Variants in TMEM117 observed in about 807,000 individuals in gnomAD.
TMEM117 encodes transmembrane protein 117.
A neutral mutation model predicts 52.4 loss-of-function variants in TMEM117; 27 were observed. The ratio of observed to expected loss-of-function variants is 0.51; its 90% confidence interval spans 0.38 to 0.71. The LOEUF (loss-of-function observed/expected upper bound fraction) is 0.71, where lower values mean the gene tolerates loss of function less well. TMEM117 is among the 30% of genes least tolerant of loss of function. The pLI, the probability that TMEM117 is intolerant of heterozygous loss-of-function variation, is 0.00. For synonymous variants in TMEM117, 215 were observed against 206.3 expected (o/e 1.04, Z -0.36); for missense variants, 556 against 630.5 (o/e 0.88, Z 1.26).
chr12:44,224,378 C>A (rs1949831506), intron 5 of TMEM117, among the ~76,000 whole-genome samples: 1 of 152,170 alleles, frequency 6.6e-6, no homozygotes, highest in Admixed American at 6.6e-5. Context: ...TTTGTCCCAT[C>A]TATACTTAAT....
At chr12:44,277,950 G>T (rs1483103747) in intron 5 of TMEM117, among the ~76,000 whole-genome samples, 4 of 151,938 alleles carry the variant, frequency 2.6e-5, no homozygotes, top group Non-Finnish European at 5.9e-5. Context: ...TTTTAGTAGA[G>T]ATGGGGTTTC....
At chr12:44,222,469 C>T (rs1016980012) in intron 5 of TMEM117, among the ~76,000 whole-genome samples, 5 of 152,152 alleles carry the variant, frequency 3.3e-5, no homozygotes, top group African/African-American at 9.7e-5. Flanking sequence ...CTGCCATCTC[C>T]CTTGGGCTAC....
intron 3 of TMEM117, among the ~76,000 whole-genome samples, chr12:44,050,572 A>G (rs1946954938): frequency 6.6e-6 from 1 of 152,172 alleles, no homozygotes; most frequent in Non-Finnish European, 1.5e-5. Flanking sequence ...CTCTTTCCTC[A>G]TCAGCTCTCT....
chr12:44,359,983 G>A (rs775660393), intron 6 of TMEM117, among the ~76,000 whole-genome samples: 1 of 152,056 alleles, frequency 6.6e-6, no homozygotes, highest in Admixed American at 6.6e-5. Flanking sequence ...AAAATAAAAA[G>A]TTGAATCTCA....
At chr12:43,814,100 A>G in the TMEM117 span, among the ~76,000 whole-genome samples, 3 of 152,146 alleles carry the variant, frequency 2.0e-5, no homozygotes, top group Admixed American at 2.0e-4. Flanking sequence ...GAACAGGAAT[A>G]TGTTTGAAAT....
At chr12:44,086,325 C>T (rs1354020321) in intron 3 of TMEM117, among the ~76,000 whole-genome samples, 6 of 151,350 alleles carry the variant, frequency 4.0e-5, no homozygotes, top group African/African-American at 9.7e-5. Context: ...GCGATTCCCC[C>T]GCCTCAGCTT....
chr12:44,051,353 T>C (rs915049722), intron 3 of TMEM117, among the ~76,000 whole-genome samples: 5 of 152,184 alleles, frequency 3.3e-5, no homozygotes, highest in African/African-American at 1.2e-4. Context: ...CCACATCTGT[T>C]CTACTGAACA....
At chr12:43,863,506 A>G (rs1422964168) in intron 2 of TMEM117, among the ~76,000 whole-genome samples, 1 of 152,214 alleles carries the variant, frequency 6.6e-6, no homozygotes, top group Non-Finnish European at 1.5e-5. Flanking sequence ...GAAGAAAGCC[A>G]CAATTCTCTT....
chr12:44,031,670 G>C (rs868473190), intron 3 of TMEM117, among the ~76,000 whole-genome samples: 2 of 152,272 alleles, frequency 1.3e-5, no homozygotes, highest in African/African-American at 2.4e-5. Flanking sequence ...GCTATTTACA[G>C]CTTGTAGCAA....
At chr12:44,369,323 T>G (rs536508163) in intron 6 of TMEM117, among the ~76,000 whole-genome samples, 52 of 152,310 alleles carry the variant, frequency 3.4e-4, no homozygotes, top group African/African-American at 1.2e-3. Flanking sequence ...CTAGGTGTAA[T>G]GAAGTTTGTT....
At chr12:44,287,055 TAAC>T (rs534457207) in intron 5 of TMEM117, among the ~76,000 whole-genome samples, 3 of 152,180 alleles carry the variant, frequency 2.0e-5, no homozygotes, top group South Asian at 2.1e-4. Context: ...CACACTTTTT[TAAC>T]AACAACTCTG....
chr12:44,010,648 A>G (rs1946276128), intron 3 of TMEM117, among the ~76,000 whole-genome samples: 1 of 152,156 alleles, frequency 6.6e-6, no homozygotes, highest in Non-Finnish European at 1.5e-5. Flanking sequence ...TTAGAATATT[A>G]CCATGCTTGT....
intron 6 of TMEM117, among the ~76,000 whole-genome samples, chr12:44,342,611 G>C (rs998683581): frequency 6.7e-6 from 1 of 149,152 alleles, no homozygotes; most frequent in Admixed American, 6.7e-5. Flanking sequence ...ACTGAGGAGA[G>C]GTAAAACAGA....
the TMEM117 span, among the ~76,000 whole-genome samples, chr12:43,821,099 T>TA: frequency 0.021 from 2,362 of 112,270 alleles, 49 homozygotes; most frequent in African/African-American, 0.051. Context: ...CCTCTCACAT[T>TA]AAAAAAAAAA....
chr12:44,098,384 C>G (rs566472449), intron 3 of TMEM117, among the ~76,000 whole-genome samples: 1 of 151,958 alleles, frequency 6.6e-6, no homozygotes, highest in African/African-American at 2.4e-5. Context: ...GCATTTTTGC[C>G]TATTATTACA....
At chr12:43,843,906 G>T (rs926835980) in intron 1 of TMEM117, among the ~76,000 whole-genome samples, 8 of 152,328 alleles carry the variant, frequency 5.3e-5, no homozygotes, top group African/African-American at 1.7e-4. Flanking sequence ...TTTAGAAGAA[G>T]ATCTGAAAGT....
At chr12:44,296,887 G>A (rs1423056224) in intron 5 of TMEM117, among the ~76,000 whole-genome samples, 1 of 152,228 alleles carries the variant, frequency 6.6e-6, no homozygotes, top group Non-Finnish European at 1.5e-5. Context: ...TTGTAGCCAA[G>A]TTCATAGGGG....
chr12:43,914,121 C>T (rs954976993), intron 2 of TMEM117, among the ~76,000 whole-genome samples: 13 of 152,030 alleles, frequency 8.6e-5, no homozygotes, highest in Non-Finnish European at 1.6e-4. Flanking sequence ...AAATGGAAAC[C>T]GTGATGCTAT....
At chr12:43,953,958 C>T (rs370159699) in intron 3 of TMEM117, among the ~76,000 whole-genome samples, 1 of 152,178 alleles carries the variant, frequency 6.6e-6, no homozygotes, top group Non-Finnish European at 1.5e-5. Context: ...AAAAGTCTCT[C>T]AGACCACAGT....
Sources: allele counts gnomAD v4.1 joint callset (sites outside exome capture counted in the v4.1 genomes callset), GRCh38; gene constraint gnomAD v4.1.1; transcripts MANE v1.5; gene names NCBI Gene and HGNC (gene_info 2026-07-23, HGNC 2026-07-21).